The following TRIP4 variants were observed in gnomAD, a reference collection of about 807,000 sequenced individuals.
TRIP4 encodes the protein thyroid hormone receptor interactor 4, also known as activating signal cointegrator 1.
TRIP4 carries 54 observed loss-of-function variants against 81.8 expected under a neutral mutation model. The ratio of observed to expected loss-of-function variants is 0.66; its 90% CI spans 0.53 to 0.83. The LOEUF (loss-of-function observed/expected upper bound fraction) is 0.83, where lower values mean the gene tolerates loss of function less well. TRIP4 is among the 40% of genes least tolerant of loss of function. The probability of loss-of-function intolerance (pLI) is 0.00; values close to 1 mark genes in which losing one functional copy is unlikely to be tolerated. For synonymous variants in TRIP4, 270 were observed against 242.8 expected (o/e 1.11, Z -1.04); for missense variants, 662 against 683.6 (o/e 0.97, Z 0.35).
At chr15:64,431,710 T>TAA (rs1301674324) in intron 11 of TRIP4, among the ~76,000 whole-genome samples, 1 of 139,372 alleles carries the variant, frequency 7.2e-6, no homozygotes. Flanking sequence ...CATCTCAAAT[T>TAA]AAAAAAAAAA....
At chr15:64,408,144 C>CT (rs1445184325) in intron 6 of TRIP4, among the ~76,000 whole-genome samples, 1 of 132,826 alleles carries the variant, frequency 7.5e-6, no homozygotes, top group Non-Finnish European at 1.6e-5. Flanking sequence ...AGTTTCTACT[C>CT]TAAGTCTGCT....
rs371047450 is a variant in TRIP4 at position 64,428,238 on chromosome 15, C to A, written c.1575+2607C>A. ...TGATTTCAATCTCTAGATAGCCAAT[C>A]TTCTTTGTGCCACAAATTTGTGTAG... On this transcript the variant is annotated intron_variant, in intron 11 of 12. Transcript: ENST00000261884. Among the ~76,000 whole-genome samples, 9 of 152,164 alleles carry A rather than the reference C, an allele frequency of 5.9e-5. No homozygotes were observed. The East Asian group carries it at 1.5e-3, about 26-fold the overall frequency.
At chr15:64,414,342 C>T (rs1891840297) in intron 8 of TRIP4, 131 bp downstream of exon 8, 1 of 1,214,856 alleles carries the variant, frequency 8.2e-7, no homozygotes, top group East Asian at 2.4e-5. Flanking sequence ...TCAGCTCTCT[C>T]AACACACCTG....
chr15:64,431,576 G>T (rs1038844665), intron 11 of TRIP4, among the ~76,000 whole-genome samples: 1 of 151,622 alleles, frequency 6.6e-6, no homozygotes, highest in African/African-American at 2.4e-5. Context: ...TGTGGTAGTG[G>T]GTGCCCGTAA....
intron 5 of TRIP4, among the ~76,000 whole-genome samples, chr15:64,405,716 C>CT (rs1393657545): frequency 6.6e-6 from 1 of 152,080 alleles, no homozygotes; most frequent in Non-Finnish European, 1.5e-5. Flanking sequence ...TATATTTAGG[C>CT]TGGCATAGTG....
chr15:64,406,585 A>G (rs949388501), intron 6 of TRIP4, 126 bp downstream of exon 6: 2 of 1,159,086 alleles, frequency 1.7e-6, no homozygotes, highest in Admixed American at 2.8e-5. Context: ...GAAGAGCCAG[A>G]TGCTCTACAT....
intron 11 of TRIP4, among the ~76,000 whole-genome samples, chr15:64,432,699 C>A (rs532210477): frequency 6.6e-6 from 1 of 151,994 alleles, no homozygotes; most frequent in East Asian, 1.9e-4. Context: ...ATCACAAGGT[C>A]AGGAGATCAA....
At chr15:64,423,897 C>A in intron 9 of TRIP4, 134 bp from the exon 10 acceptor site, 1 of 981,922 alleles carries the variant, frequency 1.0e-6, no homozygotes, top group Non-Finnish European at 1.5e-6. Context: ...ACAAAAGATA[C>A]TGCTCTTGAG....
At chr15:64,417,738 C>T (rs1422186640) in intron 8 of TRIP4, among the ~76,000 whole-genome samples, 1 of 152,154 alleles carries the variant, frequency 6.6e-6, no homozygotes, top group Non-Finnish European at 1.5e-5. Flanking sequence ...TTCATGCATC[C>T]AGTAGTCAGA....
At chr15:64,421,499 C>G (rs1334579033) in intron 9 of TRIP4, among the ~76,000 whole-genome samples, 1 of 151,328 alleles carries the variant, frequency 6.6e-6, no homozygotes, top group Non-Finnish European at 1.5e-5. Flanking sequence ...CCATGCCCGG[C>G]TAATTTTTGT....
At chr15:64,388,429 C>G (rs1459786259) in intron 1 of TRIP4, among the ~76,000 whole-genome samples, 1 of 152,176 alleles carries the variant, frequency 6.6e-6, no homozygotes, top group Non-Finnish European at 1.5e-5. Context: ...GCCTGAGCCT[C>G]CCAAGTAGCT....
At chr15:64,414,621 A>G (rs149480183) in intron 8 of TRIP4, among the ~76,000 whole-genome samples, 1,940 of 141,692 alleles carry the variant, frequency 0.014, 32 homozygotes, top group African/African-American at 0.049. Flanking sequence ...GGTTCAAGCT[A>G]TTCTCCTGCT....
At chr15:64,401,502 C>T (rs1891507880) in intron 5 of TRIP4, among the ~76,000 whole-genome samples, 1 of 152,094 alleles carries the variant, frequency 6.6e-6, no homozygotes, top group East Asian at 1.9e-4. Flanking sequence ...GAACTCATGA[C>T]CTCAAGTGAT....
intron 1 of TRIP4, among the ~76,000 whole-genome samples, chr15:64,392,289 CTCTG>C (rs1221271996): frequency 6.6e-6 from 1 of 152,052 alleles, no homozygotes; most frequent in African/African-American, 2.4e-5. Flanking sequence ...CTAAATGAGA[CTCTG>C]TCTGAAAAAA....
chr15:64,393,562 C>G (rs549063211), intron 1 of TRIP4: 16 of 153,132 alleles, frequency 1.0e-4, no homozygotes, highest in Non-Finnish European at 2.0e-4. Flanking sequence ...AAAAAGTAAA[C>G]TAAAATTACC....
At chr15:64,400,347 A>AT (rs926163003) in intron 4 of TRIP4, among the ~76,000 whole-genome samples, 5 of 145,522 alleles carry the variant, frequency 3.4e-5, no homozygotes, top group African/African-American at 1.0e-4. Flanking sequence ...TAATTTTTGC[A>AT]TTTTTTTGTT....
intron 11 of TRIP4, among the ~76,000 whole-genome samples, chr15:64,426,658 C>G (rs1596352617): frequency 6.8e-6 from 1 of 148,102 alleles, no homozygotes; most frequent in East Asian, 2.0e-4. Context: ...TGAGATCGTG[C>G]CACTGCACTC....
chr15:64,438,823 A>G (rs1892456284), intron 11 of TRIP4, among the ~76,000 whole-genome samples: 1 of 152,208 alleles, frequency 6.6e-6, no homozygotes, highest in African/African-American at 2.4e-5. Context: ...CACAGTGGAA[A>G]TGTTACTGTC....
chr15:64,407,352 C>T (rs1025829375), intron 6 of TRIP4, among the ~76,000 whole-genome samples: 1 of 152,136 alleles, frequency 6.6e-6, no homozygotes, highest in African/African-American at 2.4e-5. Context: ...TTTCACCCTA[C>T]TCAGTAGAAC....
Sources: allele counts gnomAD v4.1 joint callset (sites outside exome capture counted in the v4.1 genomes callset), GRCh38; gene constraint gnomAD v4.1.1; transcripts MANE v1.5; gene names NCBI Gene and HGNC (gene_info 2026-07-23, HGNC 2026-07-21).